ARHGAP24: variants seen among roughly 807,000 people sequenced by gnomAD.
ARHGAP24 encodes the protein rho GTPase-activating protein 24.
In ARHGAP24, 50 loss-of-function variants were observed where a neutral mutation model predicts 76.4. That is an observed-to-expected ratio of 0.65 (90% CI 0.52 to 0.83). ARHGAP24 has a LOEUF of 0.83. Among genes scored for constraint, ARHGAP24 ranks in the 40% least tolerant of loss-of-function variants. ARHGAP24 has a pLI of 0.00. For missense variants in ARHGAP24, 930 were observed against 914.2 expected (o/e 1.02, Z -0.22); for synonymous variants, 345 against 323.3 (o/e 1.07, Z -0.72).
chr4:85,491,937 G>T (rs1034189901), intron 1 of ARHGAP24, among the ~76,000 whole-genome samples: 7 of 152,082 alleles, frequency 4.6e-5, no homozygotes, highest in Non-Finnish European at 8.8e-5. Flanking sequence ...AAAGTGATAG[G>T]CCCCTTCCTC....
At chr4:86,000,165 C>G (rs1334212840) in intron 9 of ARHGAP24, 2 of 231,336 alleles carry the variant, frequency 8.6e-6, no homozygotes, top group Non-Finnish European at 1.7e-5. Context: ...AGGAAGCTTT[C>G]TGCCTCGTCT....
intron 4 of ARHGAP24, 71 bp downstream of exon 4, chr4:85,923,841 A>T (rs1013791272): frequency 1.2e-6 from 2 of 1,606,286 alleles, no homozygotes; most frequent in Non-Finnish European, 1.7e-6. Flanking sequence ...CCCCCAGCGA[A>T]TGTTACTATT....
At chr4:85,952,429 T>G (rs1737667200) in intron 5 of ARHGAP24, among the ~76,000 whole-genome samples, 2 of 152,240 alleles carry the variant, frequency 1.3e-5, no homozygotes, top group Admixed American at 6.5e-5. Flanking sequence ...CATCTGCCTG[T>G]GCTTTGGAAG....
chr4:85,852,958 C>T (rs11097078), intron 3 of ARHGAP24, among the ~76,000 whole-genome samples: 72,406 of 152,066 alleles, frequency 0.48, 18,759 homozygotes, highest in East Asian at 0.86. Context: ...GCAGTCTGTC[C>T]GTTCTCAGAG....
intron 3 of ARHGAP24, among the ~76,000 whole-genome samples, chr4:85,741,936 C>A (rs1177722729): frequency 1.3e-5 from 2 of 152,106 alleles, no homozygotes; most frequent in Non-Finnish European, 2.9e-5. Flanking sequence ...ATAAAAAGAT[C>A]TACTCTTTAA....
chr4:85,644,074 T>A (rs543997099), intron 2 of ARHGAP24, among the ~76,000 whole-genome samples: 7 of 152,290 alleles, frequency 4.6e-5, no homozygotes, highest in African/African-American at 1.7e-4. Context: ...GAGCCATTGT[T>A]CTTGGGTCAA....
At chr4:85,804,646 G>A (rs1388478328) in intron 3 of ARHGAP24, among the ~76,000 whole-genome samples, 1 of 152,150 alleles carries the variant, frequency 6.6e-6, no homozygotes, top group Non-Finnish European at 1.5e-5. Context: ...ATCACAAACT[G>A]ATGAATTTCT....
intron 1 of ARHGAP24, among the ~76,000 whole-genome samples, chr4:85,560,436 G>T (rs1448398433): frequency 6.6e-6 from 1 of 152,086 alleles, no homozygotes; most frequent in Non-Finnish European, 1.5e-5. Flanking sequence ...CTTAGCAAAT[G>T]AATACGGAAA....
At chr4:85,711,172 C>T (rs1216876454) in intron 2 of ARHGAP24, among the ~76,000 whole-genome samples, 1 of 152,086 alleles carries the variant, frequency 6.6e-6, no homozygotes, top group East Asian at 1.9e-4. Context: ...CAGATGTTCT[C>T]TCGTCAGCAC....
intron 1 of ARHGAP24, among the ~76,000 whole-genome samples, chr4:85,560,959 C>T (rs1006258797): frequency 6.6e-6 from 1 of 152,210 alleles, no homozygotes; most frequent in African/African-American, 2.4e-5. Context: ...TAATGTAGAC[C>T]CCAAAGACTG....
intron 2 of ARHGAP24, among the ~76,000 whole-genome samples, chr4:85,662,636 T>A (rs1383502519): frequency 6.6e-6 from 1 of 151,902 alleles, no homozygotes; most frequent in East Asian, 1.9e-4. Context: ...TCTTCTAGGG[T>A]TTTTATGGTT....
At chr4:85,699,190 G>T (rs1723977612) in intron 2 of ARHGAP24, among the ~76,000 whole-genome samples, 1 of 152,168 alleles carries the variant, frequency 6.6e-6, no homozygotes, top group African/African-American at 2.4e-5. Context: ...TATAGAGAAA[G>T]ATTTGAATCA....
chr4:85,874,326 A>C (rs913886705), intron 3 of ARHGAP24, among the ~76,000 whole-genome samples: 4 of 152,198 alleles, frequency 2.6e-5, no homozygotes, highest in African/African-American at 9.6e-5. Flanking sequence ...AGAGAATCTT[A>C]TTCCAGGTGT....
At chr4:85,503,509 C>G (rs1723910159) in intron 1 of ARHGAP24, among the ~76,000 whole-genome samples, 1 of 151,894 alleles carries the variant, frequency 6.6e-6, no homozygotes, top group Non-Finnish European at 1.5e-5. Flanking sequence ...TGCATAGAGG[C>G]GTTTATAGTA....
chr4:85,837,321 G>A (rs76943298), intron 3 of ARHGAP24, among the ~76,000 whole-genome samples: 2,233 of 152,192 alleles, frequency 0.015, 53 homozygotes, highest in African/African-American at 0.051. Flanking sequence ...GGCCTGTCAA[G>A]GGAAAACATT....
At chr4:85,922,721 C>A (rs773626833) in intron 3 of ARHGAP24, among the ~76,000 whole-genome samples, 1 of 152,054 alleles carries the variant, frequency 6.6e-6, no homozygotes, top group Non-Finnish European at 1.5e-5. Flanking sequence ...AAAGGTATAA[C>A]GAAACCATGC....
chr4:85,952,714 G>A (rs1311540451), intron 5 of ARHGAP24, among the ~76,000 whole-genome samples: 1 of 152,022 alleles, frequency 6.6e-6, no homozygotes, highest in African/African-American at 2.4e-5. Context: ...TGTTCCTACG[G>A]TTATGACATA....
intron 1 of ARHGAP24, 112 bp from the exon 2 acceptor site, chr4:85,570,410 C>G: frequency 5.0e-6 from 1 of 201,132 alleles, no homozygotes; most frequent in Non-Finnish European, 7.9e-6. Flanking sequence ...TTCTTTCTTT[C>G]TTTCTTTCCT....
chr4:85,994,734 C>T lies in ARHGAP24; in HGVS notation c.1080C>T (p.Asn360=), dbSNP rs1205319122. 1 of 1,613,990 alleles carries T rather than the reference C, an allele frequency of 6.2e-7. No homozygotes were observed. Among genetic ancestry groups the T allele is most frequent in the African/African-American group, 1.3e-5 (1 of 74,882 alleles). Residue 360 remains asparagine (N), a synonymous_variant, in exon 9 of 10, where the codon AAC becomes AAT. Coordinates refer to ENST00000395184, the MANE Select transcript of ARHGAP24 (RefSeq NM_001025616.3). The part of the protein sequence containing the change: ...QKKATMGQLQ[N]KENNNTKDSP... ...AAGCCACCATGGGGCAGTTACAGAACAAGGAGAACAATAACACCAAGGACA... is the reference window on the plus strand; with the variant it reads ...AAGCCACCATGGGGCAGTTACAGAATAAGGAGAACAATAACACCAAGGACA...
Sources: allele counts gnomAD v4.1 joint callset (sites outside exome capture counted in the v4.1 genomes callset), GRCh38; gene constraint gnomAD v4.1.1; transcripts MANE v1.5; gene names NCBI Gene and HGNC (gene_info 2026-07-23, HGNC 2026-07-21).